The following TMEFF2 variants were observed in gnomAD, a reference collection of about 807,000 sequenced individuals.
TMEFF2 encodes the protein transmembrane protein with EGF like and two follistatin like domains 2.
A neutral mutation model predicts 53.8 loss-of-function variants in TMEFF2; 28 were observed. The observed-to-expected ratio is 0.52, with a 90% CI of 0.39 to 0.71. TMEFF2 has a LOEUF of 0.71. Ranked by LOEUF, TMEFF2 falls within the 30% of genes least tolerant of loss-of-function variation. The pLI is 0.00. For synonymous variants in TMEFF2, 162 were observed against 166.3 expected (o/e 0.97, Z 0.20); for missense variants, 353 against 455.2 (o/e 0.78, Z 2.04).
intron 4 of TMEFF2, among the ~76,000 whole-genome samples, chr2:192,137,153 C>T (rs1379326674): frequency 6.6e-6 from 1 of 152,180 alleles, no homozygotes; most frequent in Non-Finnish European, 1.5e-5. Flanking sequence ...TCAAGCATAA[C>T]TTTCTGTGCT....
At chr2:192,155,149 A>C (rs2106004859) in intron 4 of TMEFF2, among the ~76,000 whole-genome samples, 1 of 152,094 alleles carries the variant, frequency 6.6e-6, no homozygotes, top group South Asian at 2.1e-4. Flanking sequence ...TTGGAACAAA[A>C]TCATTTAGAC....
chr2:192,061,961 T>A (rs906812088), intron 4 of TMEFF2, among the ~76,000 whole-genome samples: 1 of 152,196 alleles, frequency 6.6e-6, no homozygotes, highest in Non-Finnish European at 1.5e-5. Context: ...GCCGGCACCA[T>A]GCTTCTCATA....
intron 9 of TMEFF2, among the ~76,000 whole-genome samples, chr2:191,952,374 G>T (rs1312860735): frequency 3.3e-5 from 5 of 152,152 alleles, no homozygotes; most frequent in Non-Finnish European, 5.9e-5. Context: ...CAATCAAATT[G>T]TTGAGATTAT....
At chr2:192,176,764 C>G (rs1355997204) in intron 4 of TMEFF2, 2 of 151,026 alleles carry the variant, frequency 1.3e-5, no homozygotes, top group Admixed American at 1.3e-4. Flanking sequence ...ATGGGTTAAG[C>G]TTAAATTATT....
Position 191,949,684 on chromosome 2 carries a change from T to C in TMEFF2, c.*627A>G. ...TTTATGAGTTATAAAACACTTTCCC[T>C]CCCCTTCTTCTTTTATTTAGTTTAT... On this transcript the variant is annotated 3_prime_UTR_variant, in exon 10 of 10. Coordinates refer to ENST00000272771, the MANE Select transcript of TMEFF2 (RefSeq NM_016192.4). The C allele has an allele frequency of 1.0e-6, 1 of 985,426 alleles. No individual in the cohort carries two copies. Among genetic ancestry groups the C allele is most frequent in the East Asian group, 1.1e-4 (1 of 8,816 alleles). 61.0% of individuals were successfully genotyped at this position (985,426 alleles called of 1,614,324 possible).
chr2:192,107,778 A>C (rs1279301050), intron 4 of TMEFF2, among the ~76,000 whole-genome samples: 1 of 151,776 alleles, frequency 6.6e-6, no homozygotes, highest in Non-Finnish European at 1.5e-5. Context: ...CTGCAGTAAG[A>C]ATGAAAATTC....
In TMEFF2 at chr2:192,194,471, G is replaced by A. The variant is rs1172929075; in HGVS notation, c.54C>T (p.Gly18=). 2 of 1,614,126 alleles carry A rather than the reference G, an allele frequency of 1.2e-6. No homozygotes were observed. Among genetic ancestry groups the A allele is most frequent in the South Asian group, 1.1e-5 (1 of 91,078 alleles). Residue 18 remains glycine, a synonymous_variant, in exon 1 of 10, where the codon GGC becomes GGT. Transcript: ENST00000272771. This position sits in a 1 kb window ranked among gnomAD's most constrained non-coding sequence, Gnocchi z 4.2. ...CGGGCAGCAGCAGCAGCCAGCAAAA[G>A]CCCTCGCAAAGTGTCCAGCTGCTGC... ...RQCSSWTLCE[G]FCWLLLLPVM... is the part of the protein sequence containing the mutation.
At chr2:191,959,139 C>T (rs1425442951) in intron 7 of TMEFF2, among the ~76,000 whole-genome samples, 3 of 152,038 alleles carry the variant, frequency 2.0e-5, no homozygotes, top group Admixed American at 6.5e-5. Flanking sequence ...CCTTCAGTAG[C>T]TTATGATTTA....
chr2:192,137,775 CTATT>C (rs1359293227), intron 4 of TMEFF2, among the ~76,000 whole-genome samples: 2 of 145,102 alleles, frequency 1.4e-5, no homozygotes, highest in African/African-American at 4.9e-5. Context: ...TATATGTAAT[CTATT>C]TATATATATA....
chr2:191,963,647 A>G (rs1477206596), intron 7 of TMEFF2, among the ~76,000 whole-genome samples: 1 of 152,236 alleles, frequency 6.6e-6, no homozygotes, highest in East Asian at 1.9e-4. Context: ...ATAGAACACC[A>G]AAGCTGTCTT....
At chr2:192,025,785 G>A (rs1004946265) in intron 5 of TMEFF2, among the ~76,000 whole-genome samples, 6 of 152,128 alleles carry the variant, frequency 3.9e-5, no homozygotes, top group Admixed American at 3.3e-4. Flanking sequence ...TATGGGATGG[G>A]TGCTAGCTCG....
intron 4 of TMEFF2, among the ~76,000 whole-genome samples, chr2:192,109,059 T>C (rs1689215952): frequency 6.6e-6 from 1 of 152,016 alleles, no homozygotes; most frequent in Non-Finnish European, 1.5e-5. Context: ...AGTGTTTCTG[T>C]TTAGTGTAGT....
At chr2:192,183,776 G>T (rs1182693806) in intron 3 of TMEFF2, among the ~76,000 whole-genome samples, 2 of 152,066 alleles carry the variant, frequency 1.3e-5, no homozygotes, top group Admixed American at 1.3e-4. Context: ...TTGTTGGTAA[G>T]CCATGACTAA....
intron 4 of TMEFF2, among the ~76,000 whole-genome samples, chr2:192,110,647 A>C (rs1689251518): frequency 6.6e-6 from 1 of 152,212 alleles, no homozygotes; most frequent in African/African-American, 2.4e-5. Flanking sequence ...CAATTCTAGC[A>C]CATCTCTTTG....
intron 5 of TMEFF2, among the ~76,000 whole-genome samples, chr2:192,020,748 A>G (rs1335970707): frequency 6.6e-6 from 1 of 152,128 alleles, no homozygotes; most frequent in Admixed American, 6.5e-5. Flanking sequence ...GCATTCCATT[A>G]AAAGTTTTTA....
chr2:192,107,550 C>G (rs538182795), intron 4 of TMEFF2, among the ~76,000 whole-genome samples: 1 of 151,630 alleles, frequency 6.6e-6, no homozygotes, highest in South Asian at 2.1e-4. Flanking sequence ...AAAAAAATAG[C>G]TTTTTTAAAG....
chr2:191,955,509 C>G (rs966232412), intron 8 of TMEFF2, among the ~76,000 whole-genome samples: 4 of 102,562 alleles, frequency 3.9e-5, no homozygotes, highest in African/African-American at 1.5e-4. Flanking sequence ...TGCCACCGTG[C>G]CTGGCTAATT....
intron 3 of TMEFF2, among the ~76,000 whole-genome samples, chr2:192,179,900 T>A (rs1691144206): frequency 6.6e-6 from 1 of 151,606 alleles, no homozygotes; most frequent in South Asian, 2.1e-4. Flanking sequence ...ATCATTTTTA[T>A]TCCAGAGCTT....
At chr2:192,102,595 ATCT>A (rs1276438016) in intron 4 of TMEFF2, among the ~76,000 whole-genome samples, 1 of 134,752 alleles carries the variant, frequency 7.4e-6, no homozygotes, top group Non-Finnish European at 1.6e-5. Flanking sequence ...TTTTAATATC[ATCT>A]TCTCAATAAT....
Sources: gnomAD v4.1 joint callset for allele counts (sites outside exome capture counted in the v4.1 genomes callset) on GRCh38, gnomAD v4.1.1 for gene constraint, Gnocchi (gnomAD v3.1) non-coding constraint, MANE v1.5 for transcripts, NCBI Gene and HGNC (gene_info 2026-07-23, HGNC 2026-07-21) for gene names.